Variants in PDE10A observed in about 807,000 individuals in gnomAD.
The protein encoded by PDE10A is cAMP and cAMP-inhibited cGMP 3',5'-cyclic phosphodiesterase 10A.
A neutral mutation model predicts 97.7 loss-of-function variants in PDE10A; 39 were observed. The ratio of observed to expected loss-of-function variants is 0.40; its 90% CI spans 0.31 to 0.52. PDE10A has a LOEUF of 0.52. PDE10A is among the 20% of genes least tolerant of loss of function. The pLI is 0.56. For synonymous variants in PDE10A, 371 were observed against 376.8 expected, an observed-to-expected ratio of 0.98 and a Z score of 0.18; for missense variants, 731 against 1,047.8, an observed-to-expected ratio of 0.70 and a Z score of 4.17.
intron 1 of PDE10A, among the ~76,000 whole-genome samples, chr6:165,958,533 GA>G (rs1268988091): frequency 3.6e-5 from 1 of 27,466 alleles, no homozygotes; most frequent in African/African-American, 1.5e-4. Context: ...AAGAAAGAAA[GA>G]AAGAAAGAAA....
chr6:165,894,899 A>T (rs1046396180), intron 1 of PDE10A, among the ~76,000 whole-genome samples: 3 of 152,172 alleles, frequency 2.0e-5, no homozygotes, highest in African/African-American at 7.2e-5. Flanking sequence ...AGTATTAGAA[A>T]CCCATGGAGC....
chr6:165,624,807 C>T (rs148796963), intron 1 of PDE10A, among the ~76,000 whole-genome samples: 1,997 of 152,264 alleles, frequency 0.013, 52 homozygotes, highest in African/African-American at 0.046. Context: ...GTGACATGAT[C>T]ATAAGTGTTT....
At chr6:165,949,637 C>T (rs545593194) in intron 1 of PDE10A, 3 of 152,226 alleles carry the variant, frequency 2.0e-5, no homozygotes, top group East Asian at 3.9e-4. Flanking sequence ...AAAATAAAAA[C>T]GTAGGAGATC....
chr6:165,539,798 G>T (rs768064956), intron 2 of PDE10A, among the ~76,000 whole-genome samples: 10 of 151,938 alleles, frequency 6.6e-5, no homozygotes, highest in Non-Finnish European at 1.3e-4. Context: ...GTGGTGGTGC[G>T]CACCTGTAAT....
At chr6:165,830,322 C>T (rs1435729865) in intron 1 of PDE10A, among the ~76,000 whole-genome samples, 1 of 152,240 alleles carries the variant, frequency 6.6e-6, no homozygotes, top group Non-Finnish European at 1.5e-5. Context: ...GTGGGAGCTG[C>T]GCTACCTAAA....
chr6:165,700,965 T>TA (rs1260317093), intron 1 of PDE10A, among the ~76,000 whole-genome samples: 2 of 152,242 alleles, frequency 1.3e-5, no homozygotes, highest in African/African-American at 4.8e-5. Flanking sequence ...CTATGTCTGA[T>TA]ACGTGCATAC....
At chr6:165,469,198 C>T (rs191814377) in intron 3 of PDE10A, among the ~76,000 whole-genome samples, 49 of 152,174 alleles carry the variant, frequency 3.2e-4, no homozygotes, top group Admixed American at 1.6e-3. Flanking sequence ...AAAAGACAAA[C>T]GGTTCGCGTC....
intron 6 of PDE10A, among the ~76,000 whole-genome samples, chr6:165,433,961 G>C (rs1229777273): frequency 1.4e-5 from 2 of 140,626 alleles, no homozygotes; most frequent in East Asian, 4.3e-4. Flanking sequence ...AGCTTGCAGT[G>C]AGCCGAGATC....
chr6:165,665,034 A>G (rs1211419223), upstream of PDE10A, among the ~76,000 whole-genome samples: 1 of 152,194 alleles, frequency 6.6e-6, no homozygotes, highest in African/African-American at 2.4e-5. Flanking sequence ...CTTTCCCAGA[A>G]TCAACCTCCT....
rs932027534 is a variant in PDE10A at position 165,332,169 on chromosome 6, C to T, written c.*856G>A. 4 of 152,236 alleles carry T rather than the reference C, an allele frequency of 2.6e-5. No individual in the cohort carries two copies. Among genetic ancestry groups the T allele is most frequent in the African/African-American group, 9.6e-5 (4 of 41,542 alleles). 9.4% of individuals were successfully genotyped at this position (152,236 alleles called of 1,614,324 possible). On this transcript the variant is annotated 3_prime_UTR_variant, in exon 22 of 22. Coordinates refer to ENST00000539869, the MANE Select transcript of PDE10A (RefSeq NM_001385079.1). ...AAATGTACCCTTCGTATCCATAAGA[C>T]TTGTCCATTAAAAAAATTACAATGC...
At chr6:165,866,602 T>A (rs1240773818) in intron 1 of PDE10A, among the ~76,000 whole-genome samples, 1 of 150,258 alleles carries the variant, frequency 6.7e-6, no homozygotes, top group African/African-American at 2.5e-5. Flanking sequence ...TAAGCCTTCA[T>A]CTCTTCACCG....
chr6:165,437,243 T>G (rs1199769813), intron 5 of PDE10A, among the ~76,000 whole-genome samples: 1 of 152,200 alleles, frequency 6.6e-6, no homozygotes, highest in African/African-American at 2.4e-5. Flanking sequence ...ATCTTTTTTT[T>G]TTATGACTTA....
At chr6:165,617,145 G>A (rs1008094882) in intron 1 of PDE10A, among the ~76,000 whole-genome samples, 1 of 152,062 alleles carries the variant, frequency 6.6e-6, no homozygotes, top group Non-Finnish European at 1.5e-5. Flanking sequence ...AGAAGCTCTG[G>A]GACAAGAGTA....
At chr6:165,335,154 A>G (rs1204374540) in intron 21 of PDE10A, among the ~76,000 whole-genome samples, 1 of 152,252 alleles carries the variant, frequency 6.6e-6, no homozygotes, top group Non-Finnish European at 1.5e-5. Flanking sequence ...CAAGGTTCTT[A>G]ACCGAGTTCA....
chr6:165,788,137 C>T (rs1778543508), intron 1 of PDE10A, among the ~76,000 whole-genome samples: 1 of 152,098 alleles, frequency 6.6e-6, no homozygotes, highest in Non-Finnish European at 1.5e-5. Flanking sequence ...TTGGTGGCCA[C>T]ATGCAACATG....
intron 3 of PDE10A, among the ~76,000 whole-genome samples, chr6:165,459,523 AG>A (rs1778178113): frequency 3.1e-5 from 1 of 32,748 alleles, no homozygotes; most frequent in Non-Finnish European, 6.3e-5. Context: ...ATAGATAGAT[AG>A]ACAGACAGAC....
intron 1 of PDE10A, among the ~76,000 whole-genome samples, chr6:165,561,035 C>T (rs1401033698): frequency 5.3e-5 from 8 of 151,894 alleles, no homozygotes; most frequent in South Asian, 2.1e-4. Flanking sequence ...CTGGCTAACA[C>T]GGTGAAACCC....
At chr6:165,396,590 C>A in intron 13 of PDE10A, 131 bp from the exon 14 acceptor site, 2 of 855,914 alleles carry the variant, frequency 2.3e-6, no homozygotes, top group Non-Finnish European at 3.5e-6. Context: ...TATTATTATC[C>A]GTATTTCCAT....
chr6:165,482,026 A>G (rs590806), intron 3 of PDE10A, among the ~76,000 whole-genome samples: 28,823 of 152,058 alleles, frequency 0.19, 3,190 homozygotes, highest in African/African-American at 0.3. Flanking sequence ...CAGAAATCCA[A>G]TCTTTACATA....
Sources: allele counts gnomAD v4.1 joint callset (sites outside exome capture counted in the v4.1 genomes callset), GRCh38; gene constraint gnomAD v4.1.1; transcripts MANE v1.5; gene names NCBI Gene and HGNC (gene_info 2026-07-23, HGNC 2026-07-21).